The following ZSWIM6 variants were observed in gnomAD, a reference collection of about 807,000 sequenced individuals.
The protein encoded by ZSWIM6 is zinc finger SWIM-type containing 6, also known as zinc finger SWIM domain-containing protein 6.
In ZSWIM6, 9 loss-of-function variants were observed where a neutral mutation model predicts 113.2. That is an observed-to-expected ratio of 0.08 (90% confidence interval 0.05 to 0.14). ZSWIM6 has a LOEUF of 0.14. Ranked by LOEUF, ZSWIM6 falls within the 10% of genes least tolerant of loss-of-function variation. The pLI is 1.00. For synonymous variants in ZSWIM6, 611 were observed against 606.5 expected, an observed-to-expected ratio of 1.01 and a Z score of -0.11; for missense variants, 1,162 against 1,552.2, an observed-to-expected ratio of 0.75 and a Z score of 4.22.
intron 1 of ZSWIM6, among the ~76,000 whole-genome samples, chr5:61,348,182 C>G (rs999444231): frequency 1.2e-4 from 18 of 152,288 alleles, no homozygotes; most frequent in African/African-American, 3.6e-4. Flanking sequence ...GATCATGCCA[C>G]TGCCCTCCAG....
chr5:61,384,510 G>A (rs895913371), intron 1 of ZSWIM6, among the ~76,000 whole-genome samples: 3 of 152,150 alleles, frequency 2.0e-5, no homozygotes, highest in Non-Finnish European at 4.4e-5. Context: ...AAAACCTGAT[G>A]AACAGTTGAG....
chr5:61,349,268 G>GA (rs1204841063), intron 1 of ZSWIM6, among the ~76,000 whole-genome samples: 2 of 151,724 alleles, frequency 1.3e-5, no homozygotes, highest in African/African-American at 4.8e-5. Context: ...CTGCTAGTTT[G>GA]AAAAAAAATT....
In ZSWIM6 at chr5:61,389,566, A is replaced by AAG. The variant is rs1300896494; in HGVS notation, c.676+56619_676+56620insGA. On this transcript the variant is annotated intron_variant, in intron 1 of 13. Transcript: ENST00000252744. ...CAAGACTCAGTCTCAAAAAAAAAAA[A>AAG]AAAAAAAAAAAGAATCCTGCAGCTT... Among the ~76,000 whole-genome samples, 11 of 151,410 alleles carry AAG rather than the reference A, an allele frequency of 7.3e-5. No individual in the cohort carries two copies. The East Asian group carries it at 1.9e-3, about 27-fold the overall frequency.
At chr5:61,421,909 A>AT (rs1276160022) in intron 1 of ZSWIM6, among the ~76,000 whole-genome samples, 2 of 151,580 alleles carry the variant, frequency 1.3e-5, no homozygotes, top group Non-Finnish European at 1.5e-5. Context: ...AATCGATTAG[A>AT]TTTTTTCCTC....
chr5:61,493,478 G>A (rs1039584070), intron 3 of ZSWIM6, among the ~76,000 whole-genome samples: 1 of 152,078 alleles, frequency 6.6e-6, no homozygotes, highest in Non-Finnish European at 1.5e-5. Flanking sequence ...AAGGCCAAGT[G>A]TTATTATTAT....
At chr5:61,452,481 T>C (rs1366336060) in intron 1 of ZSWIM6, among the ~76,000 whole-genome samples, 2 of 152,164 alleles carry the variant, frequency 1.3e-5, no homozygotes, top group African/African-American at 4.8e-5. Context: ...AATAAAAATA[T>C]TAGGAATATA....
chr5:61,539,652 T>C lies in ZSWIM6; in HGVS notation c.2596T>C (p.Ser866Pro). ...ATCCATCCAGAAAAACATTCACTCC[T>C]CATCACACATCTTCAAGCTTGCCCA... is the stretch of plus-strand genomic sequence containing the variant. Reference protein sequence around the residue: ...LESIQKNIHSSSHIFKLAQDA... With the variant: ...LESIQKNIHSPSHIFKLAQDA... The change falls in exon 12 of 14, where the codon TCA (serine) becomes CCA (proline). Residue 866 changes from serine (S) to proline (P), a missense_variant. Physicochemically the swap from Ser to Pro is moderately conservative, Grantham distance 74. Coordinates refer to ENST00000252744, the MANE Select transcript of ZSWIM6 (RefSeq NM_020928.2). 6.4e-7 allele frequency: 1 copy of C among 1,552,048 alleles called. No homozygotes were observed. The highest frequency in any genetic ancestry group is 8.7e-7 in the Non-Finnish European group (1 of 1,147,050).
At chr5:61,403,378 A>G (rs1007920520) in intron 1 of ZSWIM6, among the ~76,000 whole-genome samples, 1 of 152,230 alleles carries the variant, frequency 6.6e-6, no homozygotes, top group Non-Finnish European at 1.5e-5. Context: ...AATGTAAAAA[A>G]TGGCCTAAGA....
chr5:61,527,331 G>C (rs1436690263), intron 7 of ZSWIM6, among the ~76,000 whole-genome samples: 1 of 151,922 alleles, frequency 6.6e-6, no homozygotes, highest in African/African-American at 2.4e-5. Flanking sequence ...TTAGTTGCTG[G>C]GTTTTTGTTT....
At chr5:61,424,692 G>A (rs187768341) in intron 1 of ZSWIM6, among the ~76,000 whole-genome samples, 6 of 151,224 alleles carry the variant, frequency 4.0e-5, no homozygotes, top group African/African-American at 9.7e-5. Flanking sequence ...TAGTTTAAGA[G>A]TGTGAGTTCT....
At chr5:61,367,176 T>A (rs889218502) in intron 1 of ZSWIM6, among the ~76,000 whole-genome samples, 1 of 152,144 alleles carries the variant, frequency 6.6e-6, no homozygotes, top group Non-Finnish European at 1.5e-5. Flanking sequence ...CCAGTCACTG[T>A]TTTCTAGGCA....
chr5:61,343,300 C>G (rs541024826), intron 1 of ZSWIM6, among the ~76,000 whole-genome samples: 2 of 152,302 alleles, frequency 1.3e-5, no homozygotes, highest in African/African-American at 4.8e-5. Context: ...GCTTAAAACT[C>G]AGGTGACTGG....
At chr5:61,465,403 T>G (rs1247159912) in intron 1 of ZSWIM6, among the ~76,000 whole-genome samples, 1 of 151,662 alleles carries the variant, frequency 6.6e-6, no homozygotes, top group Non-Finnish European at 1.5e-5. Flanking sequence ...GGATTTGGTA[T>G]GACGGAGTGA....
chr5:61,406,496 G>C (rs1746045671), intron 1 of ZSWIM6, among the ~76,000 whole-genome samples: 1 of 152,086 alleles, frequency 6.6e-6, no homozygotes, highest in Non-Finnish European at 1.5e-5. Context: ...AGGCAAAGTT[G>C]TCTACAGTCA....
In ZSWIM6 at chr5:61,473,009, C is replaced by T. The variant is rs1747610607; in HGVS notation, c.1005C>T (p.Ser335=). 1.3e-6 allele frequency: 2 copies of T among 1,533,646 alleles called. No individual in the cohort carries two copies. The highest frequency in any genetic ancestry group is 1.7e-4 in the Middle Eastern group (1 of 5,946). The change falls in exon 2 of 14, where the codon TCC becomes TCT. Residue 335 remains serine, a synonymous_variant. Transcript: ENST00000252744. The part of the protein sequence containing the change: ...TAQKLADEIL[S]QNSEINQVHG... ...AAAAATTAGCAGATGAAATTCTTTC[C>T]CAAAATTCAGAAATCAACCAAGTTC...
chr5:61,530,696 G>A (rs1174754060), intron 8 of ZSWIM6, among the ~76,000 whole-genome samples: 1 of 152,114 alleles, frequency 6.6e-6, no homozygotes, highest in African/African-American at 2.4e-5. Context: ...TTTCACTTTG[G>A]CCCATTGAAA....
At chr5:61,392,746 G>A (rs1036801869) in intron 1 of ZSWIM6, among the ~76,000 whole-genome samples, 4 of 151,522 alleles carry the variant, frequency 2.6e-5, no homozygotes, top group Middle Eastern at 3.5e-3. Flanking sequence ...CTGAGTAGCC[G>A]GGATTACAGG....
At chr5:61,426,155 T>C (rs1746458655) in intron 1 of ZSWIM6, among the ~76,000 whole-genome samples, 1 of 152,222 alleles carries the variant, frequency 6.6e-6, no homozygotes, top group South Asian at 2.1e-4. Flanking sequence ...ATTTGCAAGG[T>C]TGTAAAGTGA....
At chr5:61,408,026 AC>A (rs1746077736) in intron 1 of ZSWIM6, among the ~76,000 whole-genome samples, 1 of 152,206 alleles carries the variant, frequency 6.6e-6, no homozygotes, top group African/African-American at 2.4e-5. Context: ...AGACAGTCAT[AC>A]AAGATTTTCA....
Sources: allele counts gnomAD v4.1 joint callset (sites outside exome capture counted in the v4.1 genomes callset), GRCh38; gene constraint gnomAD v4.1.1; transcripts MANE v1.5; gene names NCBI Gene and HGNC (gene_info 2026-07-23, HGNC 2026-07-21).